GPR183: variants seen among roughly 807,000 people sequenced by gnomAD.
GPR183 encodes G protein-coupled receptor 183.
Under a neutral mutation model 19.7 loss-of-function variants are expected in GPR183, and 9 were observed. The ratio of observed to expected loss-of-function variants is 0.46; its 90% confidence interval spans 0.28 to 0.80. The LOEUF (loss-of-function observed/expected upper bound fraction) is 0.80, where lower values mean the gene tolerates loss of function less well. Among genes scored for constraint, GPR183 ranks in the 30% least tolerant of loss-of-function variants. The pLI is 0.13. For missense variants in GPR183, 368 were observed against 446.7 expected, an observed-to-expected ratio of 0.82 and a Z score of 1.59; for synonymous variants, 160 against 155.1, an observed-to-expected ratio of 1.03 and a Z score of -0.24.
Position 99,294,926 on chromosome 13 carries a change from G to T in GPR183, c.*134C>A. ...CTCTTGGGCTTACTTCCGAGTTGGA[G>T]ATGGGAAAGTGCCCAATGAAAGAAA... is the stretch of plus-strand genomic sequence containing the variant. On this transcript the variant is annotated 3_prime_UTR_variant, in exon 2 of 2. Transcript: ENST00000376414. The T allele has an allele frequency of 1.1e-6, 1 of 933,338 alleles. No individual in the cohort carries two copies. Among genetic ancestry groups the T allele is most frequent in the Non-Finnish European group, 1.6e-6 (1 of 631,818 alleles). The allele number at this position is 933,338 out of a possible 1,614,324, so 57.8% of individuals were successfully genotyped here.
intron 1 of GPR183, among the ~76,000 whole-genome samples, chr13:99,296,946 G>A (rs1261768632): frequency 6.6e-6 from 1 of 152,176 alleles, no homozygotes; most frequent in African/African-American, 2.4e-5. Flanking sequence ...ATAGTAGCAA[G>A]CATCACACTT....
chr13:99,296,949 T>C (rs141547707), intron 1 of GPR183, among the ~76,000 whole-genome samples: 3 of 152,320 alleles, frequency 2.0e-5, no homozygotes, highest in Non-Finnish European at 4.4e-5. Context: ...GTAGCAAGCA[T>C]CACACTTTAT....
Position 99,296,038 on chromosome 13 carries a change from C to G in GPR183, c.108G>C (p.Leu36=), listed in dbSNP as rs1260081658. The G allele has an allele frequency of 6.2e-7, 1 of 1,614,042 alleles. No individual in the cohort carries two copies. The highest frequency in any genetic ancestry group is 8.5e-7 in the Non-Finnish European group (1 of 1,180,012). ...CAATGATGAAGACGAGGCTGTAATG[C>G]AGAGGCATTACTATCCTGGCCGTGC... The part of the protein sequence containing the change: ...HHSTARIVMP[L]HYSLVFIIGL... Residue 36 remains leucine, a synonymous_variant, in exon 2 of 2, where the codon CTG becomes CTC. Coordinates refer to ENST00000376414, the MANE Select transcript of GPR183 (RefSeq NM_004951.5).
At chr13:99,303,113 C>T (rs547770368) in intron 1 of GPR183, among the ~76,000 whole-genome samples, 6 of 152,302 alleles carry the variant, frequency 3.9e-5, no homozygotes, top group African/African-American at 1.2e-4. Context: ...CTGCCAACCC[C>T]ATTGCATATC....
chr13:99,307,239 TTAAA>T (rs767765176), intron 1 of GPR183, 97 bp downstream of exon 1: 3 of 152,336 alleles, frequency 2.0e-5, no homozygotes, highest in South Asian at 2.1e-4. Context: ...TAGCTTGTTC[TTAAA>T]TAGATTGTTT....
At position 99,294,942 on chromosome 13, in the gene GPR183, A is replaced by T; in HGVS notation, c.*118T>A. ...CGAGTTGGAGATGGGAAAGTGCCCA[A>T]TGAAAGAAATATAAAAGAATACTAA... On this transcript the variant is annotated 3_prime_UTR_variant, in exon 2 of 2. Transcript: ENST00000376414. 1 of 1,174,344 alleles carries T rather than the reference A, an allele frequency of 8.5e-7. No individual in the cohort carries two copies. The highest frequency in any genetic ancestry group is 1.2e-6 in the Non-Finnish European group (1 of 842,234). 72.7% of individuals were successfully genotyped at this position (1,174,344 alleles called of 1,614,324 possible).
intron 1 of GPR183, among the ~76,000 whole-genome samples, chr13:99,303,893 A>C (rs1594107277): frequency 6.6e-6 from 1 of 151,928 alleles, no homozygotes; most frequent in Non-Finnish European, 1.5e-5. Flanking sequence ...GGCGCCCAGG[A>C]CTCCGTGTTC....
intron 1 of GPR183, among the ~76,000 whole-genome samples, chr13:99,300,440 T>C (rs1205654288): frequency 1.3e-5 from 2 of 152,252 alleles, no homozygotes; most frequent in Non-Finnish European, 2.9e-5. Context: ...AATGTGGTAG[T>C]TTTAGCCAAT....
intron 1 of GPR183, among the ~76,000 whole-genome samples, chr13:99,305,125 A>C (rs2044313234): frequency 6.6e-6 from 1 of 152,180 alleles, no homozygotes; most frequent in African/African-American, 2.4e-5. Flanking sequence ...ATTTCGATTG[A>C]AAAAAGATGG....
chr13:99,305,718 G>A (rs756635473), intron 1 of GPR183, among the ~76,000 whole-genome samples: 2 of 152,066 alleles, frequency 1.3e-5, no homozygotes, highest in African/African-American at 4.8e-5. Flanking sequence ...TGTCACTAAC[G>A]CGATACATAA....
intron 1 of GPR183, among the ~76,000 whole-genome samples, chr13:99,296,603 A>G (rs1321454601): frequency 1.3e-5 from 2 of 152,082 alleles, no homozygotes; most frequent in Non-Finnish European, 2.9e-5. Flanking sequence ...ATTTTTTTTT[A>G]ACCAAATGCA....
chr13:99,299,868 G>A (rs1036127322), intron 1 of GPR183, among the ~76,000 whole-genome samples: 1 of 152,038 alleles, frequency 6.6e-6, no homozygotes, highest in Admixed American at 6.6e-5. Flanking sequence ...TTTTGCACAG[G>A]AAAAAAATTG....
chr13:99,297,243 C>A (rs934786959), intron 1 of GPR183, among the ~76,000 whole-genome samples: 2 of 152,058 alleles, frequency 1.3e-5, no homozygotes, highest in African/African-American at 4.8e-5. Context: ...GCAGGAAGAA[C>A]AGAGCAATAA....
intron 1 of GPR183, among the ~76,000 whole-genome samples, chr13:99,302,691 C>T (rs558730705): frequency 6.6e-6 from 1 of 152,154 alleles, no homozygotes; most frequent in Non-Finnish European, 1.5e-5. Flanking sequence ...GGGAAACATG[C>T]ATTCCTGGTG....
chr13:99,304,264 G>C (rs563226049), intron 1 of GPR183, among the ~76,000 whole-genome samples: 1 of 152,266 alleles, frequency 6.6e-6, no homozygotes, highest in African/African-American at 2.4e-5. Flanking sequence ...CCCTCTGTTT[G>C]ATGTCCTCTG....
intron 1 of GPR183, among the ~76,000 whole-genome samples, chr13:99,304,393 T>C (rs546888862): frequency 4.1e-4 from 63 of 152,316 alleles, no homozygotes; most frequent in Middle Eastern, 6.8e-3. Context: ...GAGAGTGCTG[T>C]GCTCTGTCAT....
intron 1 of GPR183, among the ~76,000 whole-genome samples, chr13:99,300,374 G>A (rs1010161984): frequency 3.3e-5 from 5 of 152,190 alleles, no homozygotes; most frequent in East Asian, 3.8e-4. Context: ...GGATGATTCC[G>A]CTAGCTGGCC....
chr13:99,300,213 G>C (rs544976973), intron 1 of GPR183, among the ~76,000 whole-genome samples: 1 of 152,366 alleles, frequency 6.6e-6, no homozygotes, highest in South Asian at 2.1e-4. Flanking sequence ...GTAGCCTGTT[G>C]AGGGTCCTTA....
intron 1 of GPR183, among the ~76,000 whole-genome samples, chr13:99,297,320 C>A (rs2044191127): frequency 6.6e-6 from 1 of 152,024 alleles, no homozygotes; most frequent in Non-Finnish European, 1.5e-5. Flanking sequence ...ATAAATCTCA[C>A]CTGGAAGTCA....
Sources: allele counts gnomAD v4.1 joint callset (sites outside exome capture counted in the v4.1 genomes callset), GRCh38; gene constraint gnomAD v4.1.1; transcripts MANE v1.5; gene names NCBI Gene and HGNC (gene_info 2026-07-23, HGNC 2026-07-21).